The following NOX4 variants were observed in gnomAD, a reference collection of about 807,000 sequenced individuals.
NOX4 encodes NADPH oxidase 4, also known as kidney oxidase-1.
NOX4 carries 69 observed loss-of-function variants against 87.6 expected under a neutral mutation model. The ratio of observed to expected loss-of-function variants is 0.79; its 90% CI spans 0.65 to 0.96. The LOEUF (loss-of-function observed/expected upper bound fraction) is 0.96, where lower values mean the gene tolerates loss of function less well. NOX4 is among the 40% of genes least tolerant of loss of function. The pLI is 0.00. For synonymous variants in NOX4, 275 were observed against 238.2 expected (o/e 1.15, Z -1.42); for missense variants, 680 against 681.5 (o/e 1.00, Z 0.02).
the NOX4 span, among the ~76,000 whole-genome samples, chr11:89,556,135 A>G: frequency 6.6e-6 from 1 of 152,162 alleles, no homozygotes; most frequent in East Asian, 1.9e-4. Context: ...GGGATCTAAC[A>G]TCTACCCTAC....
the NOX4 span, among the ~76,000 whole-genome samples, chr11:89,564,462 G>T: frequency 6.6e-6 from 1 of 152,110 alleles, no homozygotes; most frequent in African/African-American, 2.4e-5. Flanking sequence ...CGGCCCCAGG[G>T]TTCAATCAGC....
intron 8 of NOX4, among the ~76,000 whole-genome samples, chr11:89,402,978 A>G (rs1446077512): frequency 3.9e-5 from 6 of 152,238 alleles, no homozygotes; most frequent in Non-Finnish European, 7.3e-5. Flanking sequence ...CCAAGCCTGG[A>G]TAAAACAAGC....
At chr11:89,540,396 G>A in the NOX4 span, among the ~76,000 whole-genome samples, 1 of 150,954 alleles carries the variant, frequency 6.6e-6, no homozygotes, top group Non-Finnish European at 1.5e-5. Context: ...TTTTCAGCAT[G>A]TTTATTGCTC....
the NOX4 span, among the ~76,000 whole-genome samples, chr11:89,576,486 C>G: frequency 3.3e-5 from 5 of 152,106 alleles, no homozygotes; most frequent in Non-Finnish European, 7.4e-5. Flanking sequence ...ATATTTTAAT[C>G]GTGGCTATAT....
the NOX4 span, chr11:89,577,050 T>C: frequency 6.6e-6 from 1 of 152,086 alleles, no homozygotes; most frequent in Non-Finnish European, 1.5e-5. Flanking sequence ...ATTAAATCCT[T>C]TTACCTGTTA....
rs570737413 is a variant in NOX4, at chr11:89,360,583, C to T, written c.1136-5540G>A. On this transcript the variant is annotated intron_variant, in intron 12 of 17. Coordinates refer to ENST00000263317, the MANE Select transcript of NOX4 (RefSeq NM_016931.5). ...GCCTGAGTTCTTGACCTTAGTCTGC[C>T]TCTATTCTTAATTCCTTTTCTGAAC... 6.8e-4 allele frequency among the ~76,000 whole-genome samples: 103 copies of T among 152,168 alleles called. 1 individual carries two copies. The highest frequency in any genetic ancestry group is 2.4e-3 in the African/African-American group (98 of 41,556).
chr11:89,564,225 A>G, the NOX4 span, among the ~76,000 whole-genome samples: 1 of 152,212 alleles, frequency 6.6e-6, no homozygotes, highest in African/African-American at 2.4e-5. Flanking sequence ...ATTTATAAAG[A>G]AAAGGGGTTT....
intron 14 of NOX4, 150 bp from the exon 15 acceptor site, chr11:89,340,321 AG>A (rs1393115821): frequency 1.7e-6 from 1 of 592,594 alleles, no homozygotes; most frequent in African/African-American, 1.9e-5. Flanking sequence ...TTTACATTCT[AG>A]CGTCTGATAG....
At chr11:89,556,009 T>TA in the NOX4 span, among the ~76,000 whole-genome samples, 4 of 152,070 alleles carry the variant, frequency 2.6e-5, no homozygotes, top group Non-Finnish European at 4.4e-5. Context: ...GTTTGTGTGC[T>TA]AAAAAAACCT....
At chr11:89,580,608 T>C in the NOX4 span, among the ~76,000 whole-genome samples, 2 of 152,200 alleles carry the variant, frequency 1.3e-5, no homozygotes, top group African/African-American at 4.8e-5. Context: ...GCAAAATCAT[T>C]TAATTAGTAA....
In NOX4 at chr11:89,483,599, T is replaced by A. The variant is rs1038084883; in HGVS notation, c.153+6859A>T. Among the ~76,000 whole-genome samples, 10 of 118,864 alleles carry A rather than the reference T, an allele frequency of 8.4e-5. No individual in the cohort carries two copies. In the Admixed American group the frequency reaches 1.1e-3, roughly 13 times the overall value. 78.0% of individuals were successfully genotyped at this position (118,864 alleles called of 152,430 possible). A position where few individuals can be genotyped will look rare whatever the true frequency, so the allele number is the denominator to read the frequency against. On this transcript the variant is annotated intron_variant, in intron 2 of 17. Transcript: ENST00000263317. ...GAGTAGAATGGTAGTTACCAGGTGC[T>A]GGTGGGGGTGGGAGGGGGTTGGGTA...
chr11:89,345,585 T>C (rs1946181549), intron 13 of NOX4, among the ~76,000 whole-genome samples: 1 of 152,124 alleles, frequency 6.6e-6, no homozygotes, highest in African/African-American at 2.4e-5. Flanking sequence ...CCTGCACCTT[T>C]CCCTCCCACA....
rs546397271 is a variant in NOX4 at position 89,458,667 on chromosome 11, GA to G, written c.154-6773del. Among the ~76,000 whole-genome samples the G allele has an allele frequency of 9.3e-3, 1,421 of 152,218 alleles. 26 individuals are homozygous for G. The highest frequency in any genetic ancestry group is 0.012 in the Non-Finnish European group (847 of 68,002). The stretch of plus-strand genomic sequence containing the variant: ...GAACATCAAAAGACACTTTTCCAAA[GA>G]AGACATACAGCTGGCCAACAAGCAT... On this transcript the variant is annotated intron_variant, in intron 2 of 17. Transcript: ENST00000263317.
intron 8 of NOX4, among the ~76,000 whole-genome samples, chr11:89,410,948 G>A (rs1366859242): frequency 2.0e-5 from 3 of 152,082 alleles, no homozygotes; most frequent in African/African-American, 7.2e-5. Context: ...ACAGCTCACA[G>A]TTCTGGGAGA....
chr11:89,458,433 A>G (rs1463177520), intron 2 of NOX4, among the ~76,000 whole-genome samples: 1 of 152,204 alleles, frequency 6.6e-6, no homozygotes, highest in Non-Finnish European at 1.5e-5. Flanking sequence ...CAACAAAAGC[A>G]ATTAAAACAA....
At chr11:89,551,860 G>C in the NOX4 span, among the ~76,000 whole-genome samples, 39 of 151,970 alleles carry the variant, frequency 2.6e-4, no homozygotes, top group African/African-American at 9.4e-4. Context: ...GGGCATCCTT[G>C]TCTTGTGATG....
intron 2 of NOX4, among the ~76,000 whole-genome samples, chr11:89,488,285 C>T (rs1262603843): frequency 1.3e-5 from 2 of 151,298 alleles, no homozygotes. Context: ...TTCTTCATTC[C>T]CTTGATCAAT....
the NOX4 span, among the ~76,000 whole-genome samples, chr11:89,510,921 G>T: frequency 6.6e-6 from 1 of 151,882 alleles, no homozygotes; most frequent in Non-Finnish European, 1.5e-5. Flanking sequence ...CAGTATCTAA[G>T]GACAGATAAT....
At chr11:89,566,264 T>A in the NOX4 span, among the ~76,000 whole-genome samples, 1 of 152,064 alleles carries the variant, frequency 6.6e-6, no homozygotes, top group Non-Finnish European at 1.5e-5. Flanking sequence ...AGGATGGTCT[T>A]GATCTCCTGA....
Sources: gnomAD v4.1 joint callset for allele counts (sites outside exome capture counted in the v4.1 genomes callset) on GRCh38, gnomAD v4.1.1 for gene constraint, MANE v1.5 for transcripts, NCBI Gene and HGNC (gene_info 2026-07-23, HGNC 2026-07-21) for gene names.